Variants in RANBP2 observed in about 807,000 individuals in gnomAD.
RANBP2 encodes the protein RAN binding protein 2, also known as E3 SUMO-protein ligase RanBP2.
Under a neutral mutation model 303.6 loss-of-function variants are expected in RANBP2, and 57 were observed. That is an observed-to-expected ratio of 0.19 (90% CI 0.15 to 0.23). The LOEUF (loss-of-function observed/expected upper bound fraction) is 0.23, where lower values mean the gene tolerates loss of function less well. Among genes scored for constraint, RANBP2 ranks in the 10% least tolerant of loss-of-function variants. The pLI is 1.00. For synonymous variants in RANBP2, 1,167 were observed against 1,301.5 expected (o/e 0.90, Z 2.23); for missense variants, 3,138 against 3,780.8 (o/e 0.83, Z 4.46).
At chr2:108,966,813 C>T in the RANBP2 span, among the ~76,000 whole-genome samples, 14 of 152,300 alleles carry the variant, frequency 9.2e-5, no homozygotes, top group Non-Finnish European at 1.6e-4. Context: ...TGCCTGGGGA[C>T]CACTATTCTT....
the RANBP2 span, among the ~76,000 whole-genome samples, chr2:108,803,446 T>G: frequency 6.6e-6 from 1 of 152,202 alleles, no homozygotes; most frequent in Non-Finnish European, 1.5e-5. Flanking sequence ...AAAAAATTTT[T>G]TTTTAATTGT....
chr2:109,573,484 G>A, the RANBP2 span, among the ~76,000 whole-genome samples: 1 of 152,158 alleles, frequency 6.6e-6, no homozygotes. Context: ...TGAACAGACT[G>A]TCATATAAGC....
the RANBP2 span, chr2:109,128,778 G>C: frequency 1.0e-5 from 2 of 195,332 alleles, no homozygotes; most frequent in African/African-American, 4.8e-5. Context: ...GTCCCTCTCT[G>C]AGGCTCACGA....
chr2:109,553,220 C>A, the RANBP2 span: 1 of 1,613,284 alleles, frequency 6.2e-7, no homozygotes, highest in Non-Finnish European at 8.5e-7. Flanking sequence ...CTCTTGAACA[C>A]TAAAAAGTTA....
At chr2:109,341,277 A>T in the RANBP2 span, among the ~76,000 whole-genome samples, 3 of 152,274 alleles carry the variant, frequency 2.0e-5, no homozygotes, top group African/African-American at 7.2e-5. Flanking sequence ...TTGCAGTGTG[A>T]TAACAGTAAC....
the RANBP2 span, among the ~76,000 whole-genome samples, chr2:108,841,335 A>C: frequency 4.6e-5 from 7 of 152,134 alleles, no homozygotes; most frequent in Non-Finnish European, 8.8e-5. Flanking sequence ...GTCCTGTTCT[A>C]TCAAGTGTGG....
At chr2:109,544,251 T>G in the RANBP2 span, 10 of 1,604,326 alleles carry the variant, frequency 6.2e-6, no homozygotes, top group East Asian at 2.0e-4. Flanking sequence ...ACACTTCTAG[T>G]TTTTTTTTAA....
At chr2:108,815,404 G>A in the RANBP2 span, among the ~76,000 whole-genome samples, 1 of 148,798 alleles carries the variant, frequency 6.7e-6, no homozygotes, top group Non-Finnish European at 1.5e-5. Context: ...GACTTTTCTT[G>A]CCTTCTCTCA....
At chr2:108,813,727 CTTCCACTATCCTAGAATATAGAACT>C in the RANBP2 span, among the ~76,000 whole-genome samples, 1 of 152,096 alleles carries the variant, frequency 6.6e-6, no homozygotes, top group Admixed American at 6.6e-5. Context: ...ATACAGAATA[CTTCCACTATCCTAGAATATAGAACT>C]TTCCACTATC....
chr2:108,766,692 G>T lies in RANBP2; in HGVS notation c.6153G>T (p.Gln2051His). ...KLFRFDAEVS[Q>H]WKERGLGNLK... Reference sequence around the variant, plus strand: ...TTAGATTTGATGCTGAGGTAAGTCAGTGGAAAGAAAGGGGCTTGGGGAACT... The same window carrying T: ...TTAGATTTGATGCTGAGGTAAGTCATTGGAAAGAAAGGGGCTTGGGGAACT... Residue 2051 changes from glutamine to histidine, a missense_variant, in exon 20 of 29, where the codon CAG becomes CAT. Transcript: ENST00000283195. 6.2e-7 allele frequency: 1 copy of T among 1,612,032 alleles called. No individual in the cohort carries two copies. The highest frequency in any genetic ancestry group is 8.5e-7 in the Non-Finnish European group (1 of 1,179,860).
the RANBP2 span, chr2:109,794,633 C>T: frequency 1.2e-6 from 1 of 862,032 alleles, no homozygotes; most frequent in Non-Finnish European, 1.3e-6. Context: ...CGGCGGCCGC[C>T]TCGATGGCTC....
the RANBP2 span, among the ~76,000 whole-genome samples, chr2:109,252,487 C>T: frequency 5.3e-5 from 8 of 152,142 alleles, no homozygotes; most frequent in East Asian, 1.9e-4. Context: ...GTTGATCAGC[C>T]GTCCTGGTGT....
chr2:108,934,676 A>C, the RANBP2 span, among the ~76,000 whole-genome samples: 1 of 152,116 alleles, frequency 6.6e-6, no homozygotes, highest in Non-Finnish European at 1.5e-5. Flanking sequence ...GTGATAAGAG[A>C]GTGCAAGCAG....
At chr2:109,363,083 C>A in the RANBP2 span, among the ~76,000 whole-genome samples, 3 of 152,068 alleles carry the variant, frequency 2.0e-5, no homozygotes, top group African/African-American at 7.2e-5. Context: ...AGGTTAAATT[C>A]TACCATATTT....
the RANBP2 span, among the ~76,000 whole-genome samples, chr2:108,992,169 C>G: frequency 3.3e-5 from 5 of 152,146 alleles, no homozygotes; most frequent in East Asian, 9.6e-4. Context: ...CCCATGTACC[C>G]CATCAAAGTA....
chr2:109,388,584 C>G, the RANBP2 span, among the ~76,000 whole-genome samples: 1 of 152,250 alleles, frequency 6.6e-6, no homozygotes, highest in Non-Finnish European at 1.5e-5. Flanking sequence ...ATATACTCAA[C>G]AAACAGCCAC....
chr2:109,024,172 G>A, the RANBP2 span, among the ~76,000 whole-genome samples: 1 of 152,126 alleles, frequency 6.6e-6, no homozygotes, highest in African/African-American at 2.4e-5. Context: ...TGATAGGCCC[G>A]CCTCAGCCTC....
chr2:109,171,946 C>A, the RANBP2 span, among the ~76,000 whole-genome samples: 4,185 of 152,330 alleles, frequency 0.027, 172 homozygotes, highest in African/African-American at 0.094. Flanking sequence ...TCCCTCCTTT[C>A]GCTGTGGTGA....
the RANBP2 span, among the ~76,000 whole-genome samples, chr2:108,922,821 C>G: frequency 3.3e-5 from 5 of 152,238 alleles, no homozygotes; most frequent in East Asian, 9.7e-4. Context: ...GTACCTGGCC[C>G]TTCGTCATAA....
Sources: allele counts gnomAD v4.1 joint callset (sites outside exome capture counted in the v4.1 genomes callset), GRCh38; gene constraint gnomAD v4.1.1; transcripts MANE v1.5; gene names NCBI Gene and HGNC (gene_info 2026-07-23, HGNC 2026-07-21).